Variants in SLC71A2 observed in about 807,000 individuals in gnomAD.
SLC71A2 encodes hippocampus abundant transcript-like 1.
At chr9:94,458,169 A>G in the SLC71A2 span, 20 of 574,934 alleles carry the variant, frequency 3.5e-5, no homozygotes, top group Middle Eastern at 2.7e-3. Flanking sequence ...TATAATGGAT[A>G]AAGTCTTCCT....
chr9:94,406,844 C>T, the SLC71A2 span, among the ~76,000 whole-genome samples: 5 of 152,070 alleles, frequency 3.3e-5, no homozygotes, highest in Middle Eastern at 3.2e-3. Flanking sequence ...TTGTCATCAG[C>T]GAACAGAGAT....
chr9:94,381,203 A>C, the SLC71A2 span, among the ~76,000 whole-genome samples: 1 of 145,932 alleles, frequency 6.9e-6, no homozygotes, highest in African/African-American at 2.5e-5. Context: ...TGCCAGGCTA[A>C]TTTTGTATTT....
At chr9:94,382,337 A>G in the SLC71A2 span, among the ~76,000 whole-genome samples, 2 of 151,208 alleles carry the variant, frequency 1.3e-5, no homozygotes, top group African/African-American at 4.9e-5. Context: ...CCCTAAACTT[A>G]TATGTCTTCT....
At chr9:94,436,296 T>C in the SLC71A2 span, among the ~76,000 whole-genome samples, 14 of 152,304 alleles carry the variant, frequency 9.2e-5, no homozygotes, top group African/African-American at 3.4e-4. Flanking sequence ...ATCAGTGATA[T>C]TTCTCCAGAG....
the SLC71A2 span, among the ~76,000 whole-genome samples, chr9:94,415,456 G>A: frequency 1.3e-5 from 2 of 151,840 alleles, no homozygotes; most frequent in Non-Finnish European, 2.9e-5. Flanking sequence ...TTCCTGGGTA[G>A]CACTGCACTC....
the SLC71A2 span, among the ~76,000 whole-genome samples, chr9:94,450,507 T>TTTTTTC: frequency 6.6e-5 from 9 of 137,220 alleles, 2 homozygotes; most frequent in African/African-American, 2.1e-4. Context: ...TTTTTTTTTT[T>TTTTTTC]GAGATGGAGT....
the SLC71A2 span, chr9:94,460,132 T>C: frequency 6.6e-6 from 1 of 152,322 alleles, no homozygotes. Flanking sequence ...GGTGTCCTGG[T>C]TGGGTCCAAG....
chr9:94,421,812 T>C, the SLC71A2 span, among the ~76,000 whole-genome samples: 4 of 152,216 alleles, frequency 2.6e-5, no homozygotes, highest in African/African-American at 9.6e-5. Flanking sequence ...TCATTCATTG[T>C]GTACCTTGAA....
the SLC71A2 span, among the ~76,000 whole-genome samples, chr9:94,429,583 T>A: frequency 6.6e-6 from 1 of 152,126 alleles, no homozygotes; most frequent in South Asian, 2.1e-4. Flanking sequence ...CCATCATCTT[T>A]TTAGGTATAC....
At chr9:94,377,633 T>G in the SLC71A2 span, among the ~76,000 whole-genome samples, 1 of 151,612 alleles carries the variant, frequency 6.6e-6, no homozygotes, top group African/African-American at 2.4e-5. Flanking sequence ...TCCTCCTGTC[T>G]CAGCCTCCCA....
chr9:94,435,669 T>G, the SLC71A2 span, among the ~76,000 whole-genome samples: 44 of 148,442 alleles, frequency 3.0e-4, no homozygotes, highest in Admixed American at 2.3e-3. Context: ...TTTTTTTTTT[T>G]TTGAGATGGA....
the SLC71A2 span, among the ~76,000 whole-genome samples, chr9:94,402,583 T>C: frequency 6.6e-6 from 1 of 152,204 alleles, no homozygotes; most frequent in South Asian, 2.1e-4. Flanking sequence ...TAAGGGCGCT[T>C]TCTATGTTCT....
At chr9:94,408,489 G>C in the SLC71A2 span, among the ~76,000 whole-genome samples, 3 of 152,134 alleles carry the variant, frequency 2.0e-5, no homozygotes, top group Admixed American at 6.5e-5. Context: ...TCTTAACTCT[G>C]CTGGAATTCT....
chr9:94,381,199 G>A, the SLC71A2 span, among the ~76,000 whole-genome samples: 1 of 145,502 alleles, frequency 6.9e-6, no homozygotes, highest in Non-Finnish European at 1.5e-5. Context: ...ACCATGCCAG[G>A]CTAATTTTGT....
At chr9:94,392,015 C>T in the SLC71A2 span, among the ~76,000 whole-genome samples, 6 of 152,040 alleles carry the variant, frequency 3.9e-5, no homozygotes, top group Admixed American at 3.3e-4. Flanking sequence ...ATTGCGCCTT[C>T]CCCCCACCCC....
the SLC71A2 span, among the ~76,000 whole-genome samples, chr9:94,414,086 T>C: frequency 1.6e-4 from 25 of 152,268 alleles, no homozygotes; most frequent in East Asian, 4.8e-3. Context: ...GAGAAACAGA[T>C]TGAACCTTTT....
the SLC71A2 span, among the ~76,000 whole-genome samples, chr9:94,444,619 A>C: frequency 1.3e-5 from 2 of 152,244 alleles, 1 homozygote; most frequent in East Asian, 3.8e-4. Flanking sequence ...AAAGAAGACC[A>C]AAGAGCTAAT....
At chr9:94,453,183 T>A in the SLC71A2 span, among the ~76,000 whole-genome samples, 2 of 146,298 alleles carry the variant, frequency 1.4e-5, no homozygotes, top group African/African-American at 5.0e-5. Flanking sequence ...GGAGTCTCGC[T>A]CTGTCACCCA....
chr9:94,439,635 G>T, the SLC71A2 span, among the ~76,000 whole-genome samples: 3 of 151,024 alleles, frequency 2.0e-5, no homozygotes, highest in Non-Finnish European at 4.4e-5. Context: ...AAATTTATTG[G>T]GTACTTATAA....
Sources: gnomAD v4.1 joint callset for allele counts (sites outside exome capture counted in the v4.1 genomes callset) on GRCh38, gnomAD v4.1.1 for gene constraint, MANE v1.5 for transcripts, NCBI Gene and HGNC (gene_info 2026-07-23, HGNC 2026-07-21) for gene names.